HSD17B12: variants seen among roughly 807,000 people sequenced by gnomAD.
HSD17B12 encodes very-long-chain 3-oxoacyl-CoA reductase.
In HSD17B12, 32 loss-of-function variants were observed where a neutral mutation model predicts 39.3. That is an observed-to-expected ratio of 0.81 (90% confidence interval 0.61 to 1.09). HSD17B12 has a LOEUF of 1.09. Ranked by LOEUF, HSD17B12 falls within the 50% of genes least tolerant of loss-of-function variation. The probability of loss-of-function intolerance (pLI) is 0.00; values close to 1 mark genes in which losing one functional copy is unlikely to be tolerated. For synonymous variants in HSD17B12, 150 were observed against 146.7 expected, an observed-to-expected ratio of 1.02 and a Z score of -0.16; for missense variants, 342 against 382.9, an observed-to-expected ratio of 0.89 and a Z score of 0.89.
intron 1 of HSD17B12, among the ~76,000 whole-genome samples, chr11:43,703,827 ATTAG>A (rs1399134695): frequency 6.6e-6 from 1 of 151,230 alleles, no homozygotes; most frequent in Non-Finnish European, 1.5e-5. Context: ...CTAAAGGTTT[ATTAG>A]TTTTAACTTT....
At chr11:43,642,634 A>G in the HSD17B12 span, among the ~76,000 whole-genome samples, 4 of 151,810 alleles carry the variant, frequency 2.6e-5, no homozygotes, top group Non-Finnish European at 5.9e-5. Flanking sequence ...AAATGTTACA[A>G]CCTGGTAGCT....
the HSD17B12 span, chr11:43,644,344 G>C: frequency 2.6e-5 from 4 of 152,284 alleles, no homozygotes; most frequent in African/African-American, 9.7e-5. Context: ...CAGCCCCCCA[G>C]GTTGCCAAGG....
the HSD17B12 span, among the ~76,000 whole-genome samples, chr11:43,638,426 T>C: frequency 9.4e-5 from 14 of 149,526 alleles, no homozygotes; most frequent in Non-Finnish European, 1.6e-4. Flanking sequence ...CCAAATTAAT[T>C]AAAAGAGGAA....
At chr11:43,625,991 C>G in the HSD17B12 span, among the ~76,000 whole-genome samples, 1 of 151,220 alleles carries the variant, frequency 6.6e-6, no homozygotes, top group Non-Finnish European at 1.5e-5. Flanking sequence ...ATTTGAAATA[C>G]TAGTATTTGA....
At chr11:43,698,137 C>A (rs1949929147) in intron 1 of HSD17B12, among the ~76,000 whole-genome samples, 1 of 151,944 alleles carries the variant, frequency 6.6e-6, no homozygotes, top group South Asian at 2.1e-4. Context: ...AGTTATGGGC[C>A]CTTGTCATAA....
intron 4 of HSD17B12, among the ~76,000 whole-genome samples, chr11:43,800,086 A>G (rs749014069): frequency 1.3e-5 from 2 of 152,210 alleles, no homozygotes; most frequent in Non-Finnish European, 2.9e-5. Context: ...AAACACATAA[A>G]GCACCACTGA....
the HSD17B12 span, among the ~76,000 whole-genome samples, chr11:43,558,918 ATAGAAATGGG>A: frequency 6.6e-6 from 1 of 152,144 alleles, no homozygotes; most frequent in Non-Finnish European, 1.5e-5. Context: ...GAGTACAGAC[ATAGAAATGGG>A]AAGTGAAATG....
intron 6 of HSD17B12, among the ~76,000 whole-genome samples, chr11:43,829,480 A>C (rs1324562222): frequency 6.6e-6 from 1 of 152,192 alleles, no homozygotes; most frequent in Admixed American, 6.6e-5. Flanking sequence ...TTCAGAAAGC[A>C]GACATTTAAT....
intron 3 of HSD17B12, among the ~76,000 whole-genome samples, chr11:43,786,168 G>A (rs116531621): frequency 0.023 from 3,552 of 152,120 alleles, 138 homozygotes; most frequent in African/African-American, 0.081. Context: ...AGTGGGTTGC[G>A]TGAAAAAAGG....
intron 6 of HSD17B12, among the ~76,000 whole-genome samples, chr11:43,817,100 C>G (rs1461488114): frequency 6.7e-6 from 1 of 148,876 alleles, no homozygotes; most frequent in East Asian, 1.9e-4. Context: ...ATTAGTGATG[C>G]TGAACATTTT....
intron 4 of HSD17B12, among the ~76,000 whole-genome samples, chr11:43,805,095 G>T (rs1951006036): frequency 6.6e-6 from 1 of 152,174 alleles, no homozygotes; most frequent in Non-Finnish European, 1.5e-5. Flanking sequence ...GAGCATACTA[G>T]GAGTTTATGC....
the HSD17B12 span, among the ~76,000 whole-genome samples, chr11:43,619,166 T>TATATATATATATG: frequency 1.4e-5 from 1 of 73,502 alleles, no homozygotes; most frequent in Non-Finnish European, 3.1e-5. Flanking sequence ...ATATATATGA[T>TATATATATATATG]ATATATATAT....
At chr11:43,821,746 G>C (rs960654533) in intron 6 of HSD17B12, among the ~76,000 whole-genome samples, 1 of 152,154 alleles carries the variant, frequency 6.6e-6, no homozygotes, top group Non-Finnish European at 1.5e-5. Flanking sequence ...TGTACACTGA[G>C]GTTCACATCA....
intron 9 of HSD17B12, among the ~76,000 whole-genome samples, chr11:43,845,011 G>A (rs779532512): frequency 2.0e-5 from 3 of 152,050 alleles, no homozygotes; most frequent in Non-Finnish European, 4.4e-5. Flanking sequence ...TTTGTTGTTT[G>A]AAGACAGGTT....
intron 1 of HSD17B12, among the ~76,000 whole-genome samples, chr11:43,708,664 T>G (rs1950037432): frequency 6.6e-6 from 1 of 152,220 alleles, no homozygotes; most frequent in African/African-American, 2.4e-5. Flanking sequence ...ATAATTTCTA[T>G]TTGTATGTAG....
the HSD17B12 span, among the ~76,000 whole-genome samples, chr11:43,634,075 CAAAAAAAAAAAAAAAA>C: frequency 5.3e-4 from 20 of 37,566 alleles, no homozygotes; most frequent in Admixed American, 8.3e-4. Context: ...AACTCCATCT[CAAAAAAAAAAAAAAAA>C]AAAAAAAAAA....
chr11:43,723,119 G>T (rs916220462), intron 1 of HSD17B12, among the ~76,000 whole-genome samples: 1 of 152,102 alleles, frequency 6.6e-6, no homozygotes, highest in Admixed American at 6.6e-5. Context: ...TTAAAAAAAG[G>T]TGGCATGTTA....
chr11:43,775,715 G>A (rs186613002), intron 3 of HSD17B12, among the ~76,000 whole-genome samples: 5,557 of 150,912 alleles, frequency 0.037, 338 homozygotes, highest in African/African-American at 0.13. Flanking sequence ...CCACTAACTC[G>A]TCATCTAGCA....
At chr11:43,612,093 CT>C in the HSD17B12 span, among the ~76,000 whole-genome samples, 1 of 152,120 alleles carries the variant, frequency 6.6e-6, no homozygotes, top group Non-Finnish European at 1.5e-5. Flanking sequence ...TTTCCTTTGC[CT>C]CCTTTCTGGC....
Sources: gnomAD v4.1 joint callset for allele counts (sites outside exome capture counted in the v4.1 genomes callset) on GRCh38, gnomAD v4.1.1 for gene constraint, MANE v1.5 for transcripts, NCBI Gene and HGNC (gene_info 2026-07-23, HGNC 2026-07-21) for gene names.